Variants in TMEM247 observed in about 807,000 individuals in gnomAD.
TMEM247 encodes transmembrane protein ENSP00000343375.
A neutral mutation model predicts 20.7 loss-of-function variants in TMEM247; 23 were observed. The observed-to-expected ratio is 1.11, with a 90% confidence interval of 0.80 to 1.57. The LOEUF (loss-of-function observed/expected upper bound fraction) is 1.57. Among genes scored for constraint, TMEM247 ranks in the 40% most tolerant of loss-of-function variants. The pLI is 0.00. For missense variants in TMEM247, 354 were observed against 283.8 expected (o/e 1.25, Z -1.78); for synonymous variants, 106 against 111.9 (o/e 0.95, Z 0.33).
intron 2 of TMEM247, among the ~76,000 whole-genome samples, chr2:46,483,983 G>T (rs1686939653): frequency 6.6e-6 from 1 of 152,002 alleles, no homozygotes; most frequent in South Asian, 2.1e-4. Context: ...AGAGATAGGG[G>T]TCTCACTACA....
rs758108629 is a variant in TMEM247, at chr2:46,480,424, C to T, written c.137C>T (p.Pro46Leu). ...CGCCAGGAGGCAGAGTCCCAGAAGC[C>T]AGACTCCTCCTATGACTACTTGGAA... The change falls in exon 2 of 3, where the codon CCA (proline) becomes CTA (leucine). Residue 46 changes from proline to leucine, a missense_variant. Physicochemically the swap from Pro to Leu is moderately conservative, Grantham distance 98 (BLOSUM62 -3). Transcript: ENST00000434431. 1.9e-5 allele frequency: 29 copies of T among 1,548,148 alleles called. No individual in the cohort carries two copies. Among genetic ancestry groups the T allele is most frequent in the South Asian group, 2.4e-5 (2 of 83,960 alleles).
At chr2:46,480,335 T>C in intron 1 of TMEM247, 70 bp from the exon 2 acceptor site, 1 of 1,442,732 alleles carries the variant, frequency 6.9e-7, no homozygotes, top group Non-Finnish European at 9.1e-7. Flanking sequence ...CTGCGGGAGT[T>C]CCATGGGGTC....
chr2:46,483,961 AT>A (rs922157819), intron 2 of TMEM247, among the ~76,000 whole-genome samples: 11 of 151,424 alleles, frequency 7.3e-5, no homozygotes, highest in Admixed American at 1.3e-4. Flanking sequence ...TAATTTTTAA[AT>A]TTTTTTTTAT....
rs1009993373 is a variant in TMEM247 at position 46,480,543 on chromosome 2, G to T, written c.256G>T (p.Gly86Ter). The T allele has an allele frequency of 3.2e-6, 5 of 1,551,758 alleles. No individual in the cohort carries two copies. Among genetic ancestry groups the T allele is most frequent in the Non-Finnish European group, 4.4e-6 (5 of 1,147,012 alleles). ...TGCTACCAAAGGCCAGGCTGGCGAC[G>T]GACCCAAACCCGCAGAGCTGCCCCC... The change falls in exon 2 of 3, where the codon GGA (glycine) becomes TGA (stop). Residue 86 changes from glycine to a stop codon, truncating the protein, a stop_gained. Transcript: ENST00000434431. LOFTEE classifies it high-confidence loss of function.
At chr2:46,481,197 C>T (rs1467903488) in intron 2 of TMEM247, among the ~76,000 whole-genome samples, 3 of 152,312 alleles carry the variant, frequency 2.0e-5, no homozygotes, top group Non-Finnish European at 1.5e-5. Context: ...GGAGACTAGA[C>T]CCAGAATCCC....
exon 2 of TMEM247, chr2:46,480,559 A>T (rs72875605): frequency 1.3e-6 from 2 of 1,551,686 alleles, no homozygotes; most frequent in African/African-American, 2.7e-5. Flanking sequence ...AAACCCGCAG[A>T]GCTGCCCCCG....
At chr2:46,480,662 C>G (rs1558643319) in exon 2 of TMEM247, 2 of 1,122,060 alleles carry the variant, frequency 1.8e-6, no homozygotes, top group South Asian at 2.9e-5. Context: ...ATGAGAAGAA[C>G]CAGCGGCAGC....
chr2:46,480,452 G>A, exon 2 of TMEM247: 1 of 1,551,544 alleles, frequency 6.4e-7, no homozygotes, highest in Non-Finnish European at 8.7e-7. Context: ...ACTTGGAAGA[G>A]ATGGAAGCTT....
chr2:46,479,772 C>T (rs764628963), intron 1 of TMEM247, 70 bp downstream of exon 1: 36 of 1,149,364 alleles, frequency 3.1e-5, no homozygotes, highest in Middle Eastern at 2.0e-4. Flanking sequence ...TGTAGGAACA[C>T]ATGCTTTGAG....
intron 2 of TMEM247, among the ~76,000 whole-genome samples, chr2:46,483,270 T>C (rs746006461): frequency 2.3e-4 from 35 of 152,226 alleles, no homozygotes; most frequent in Non-Finnish European, 4.3e-4. Context: ...GCCCCAGTTA[T>C]ATAGATTCAA....
chr2:46,480,646 A>G (rs1417501073), exon 2 of TMEM247: 1 of 1,300,280 alleles, frequency 7.7e-7, no homozygotes, highest in African/African-American at 1.8e-5. Flanking sequence ...CGGCTCAAGT[A>G]CCTGCATGAG....
intron 2 of TMEM247, among the ~76,000 whole-genome samples, chr2:46,481,403 T>C (rs34854267): frequency 0.31 from 46,871 of 152,196 alleles, 8,814 homozygotes; most frequent in Non-Finnish European, 0.42. Context: ...GTGAAGAGCT[T>C]AGCACAGTGG....
chr2:46,480,339 T>C, intron 1 of TMEM247, 66 bp from the exon 2 acceptor site: 4 of 1,446,902 alleles, frequency 2.8e-6, no homozygotes, highest in Non-Finnish European at 3.6e-6. Context: ...GGGAGTTCCA[T>C]GGGGTCAGGG....
chr2:46,482,455 C>T (rs1686906811), intron 2 of TMEM247, among the ~76,000 whole-genome samples: 1 of 152,202 alleles, frequency 6.6e-6, no homozygotes, highest in African/African-American at 2.4e-5. Context: ...CTCCTCCTAA[C>T]CATATTTATT....
Position 46,480,390 on chromosome 2 carries a change from C to CT in TMEM247, c.118-13dup. Reference sequence around the variant, plus strand: ...CTCTTCAAGGTACCTCCCCTCCCTGCTTCCCCTACGCCAGGAGGCAGAGTC... The same window carrying CT: ...CTCTTCAAGGTACCTCCCCTCCCTGCTTTCCCCTACGCCAGGAGGCAGAGTC... On this transcript the variant is annotated splice_polypyrimidine_tract_variant and intron_variant, in intron 1 of 2. Coordinates refer to ENST00000434431, the Ensembl canonical transcript of TMEM247. 1 of 1,526,288 alleles carries CT rather than the reference C, an allele frequency of 6.6e-7. No individual in the cohort carries two copies. The highest frequency in any genetic ancestry group is 1.2e-5 in the South Asian group (1 of 81,416). 94.5% of individuals were successfully genotyped at this position (1,526,288 alleles called of 1,614,324 possible).
chr2:46,480,332 A>T, intron 1 of TMEM247, 73 bp from the exon 2 acceptor site: 1 of 1,429,596 alleles, frequency 7.0e-7, no homozygotes, highest in South Asian at 1.5e-5. Context: ...GGGCTGCGGG[A>T]GTTCCATGGG....
At chr2:46,484,282 C>G in exon 3 of TMEM247, 1 of 1,551,884 alleles carries the variant, frequency 6.4e-7, no homozygotes, top group Non-Finnish European at 8.7e-7. Flanking sequence ...TGCCCCAGAA[C>G]CAGTTTGCCA....
exon 2 of TMEM247, chr2:46,480,578 G>A (rs372990692): frequency 7.1e-6 from 11 of 1,551,780 alleles, no homozygotes; most frequent in African/African-American, 2.7e-5. Flanking sequence ...CGACCCCTGG[G>A]ACTGAGCGCA....
chr2:46,480,722 G>C, exon 2 of TMEM247: 1 of 1,551,490 alleles, frequency 6.4e-7, no homozygotes, highest in Middle Eastern at 1.7e-4. Context: ...GGCAGCACGA[G>C]GTGGTGATGG....
Sources: allele counts gnomAD v4.1 joint callset (sites outside exome capture counted in the v4.1 genomes callset), GRCh38; gene constraint gnomAD v4.1.1; transcripts MANE v1.5; gene names NCBI Gene and HGNC (gene_info 2026-07-23, HGNC 2026-07-21).